SYN3: variants seen among roughly 807,000 people sequenced by gnomAD.
SYN3 encodes the protein synapsin III.
Under a neutral mutation model 65.8 loss-of-function variants are expected in SYN3, and 35 were observed. The ratio of observed to expected loss-of-function variants is 0.53; its 90% CI spans 0.41 to 0.70. The LOEUF (loss-of-function observed/expected upper bound fraction) is 0.70. SYN3 is among the 30% of genes least tolerant of loss of function. SYN3 has a pLI of 0.00. For synonymous variants in SYN3, 270 were observed against 292.9 expected, an observed-to-expected ratio of 0.92 and a Z score of 0.80; for missense variants, 680 against 749.0, an observed-to-expected ratio of 0.91 and a Z score of 1.08.
At chr22:32,785,278 C>T (rs1201177357) in intron 6 of SYN3, among the ~76,000 whole-genome samples, 2 of 152,156 alleles carry the variant, frequency 1.3e-5, no homozygotes, top group African/African-American at 4.8e-5. Context: ...TGGCCCAGGG[C>T]TCTTTCCTTC....
intron 6 of SYN3, among the ~76,000 whole-genome samples, chr22:32,643,050 T>A (rs1041793068): frequency 2.0e-5 from 3 of 152,108 alleles, no homozygotes; most frequent in African/African-American, 7.2e-5. Flanking sequence ...TAGGGAAACC[T>A]TTTTTGAGGA....
intron 6 of SYN3, among the ~76,000 whole-genome samples, chr22:32,845,050 A>C (rs1274944498): frequency 1.3e-5 from 2 of 151,920 alleles, no homozygotes; most frequent in Non-Finnish European, 2.9e-5. Flanking sequence ...TCTTTTGACC[A>C]CCAGATCCCT....
chr22:32,843,364 G>A (rs1174624346), intron 6 of SYN3, among the ~76,000 whole-genome samples: 1 of 152,234 alleles, frequency 6.6e-6, no homozygotes, highest in African/African-American at 2.4e-5. Context: ...GAATGGGTGA[G>A]CAGCTGGAAG....
chr22:32,966,751 C>T (rs1601806371), intron 3 of SYN3, among the ~76,000 whole-genome samples: 1 of 152,034 alleles, frequency 6.6e-6, no homozygotes, highest in African/African-American at 2.4e-5. Flanking sequence ...CCTGTCTCTA[C>T]AAAATATTTT....
chr22:32,527,545 AGCCGAGATCGCACCACT>A (rs1389916227), intron 12 of SYN3: 3 of 173,788 alleles, frequency 1.7e-5, no homozygotes, highest in African/African-American at 7.3e-5. Flanking sequence ...GGATGCAGTG[AGCCGAGATCGCACCACT>A]GCACTCCAGC....
intron 6 of SYN3, among the ~76,000 whole-genome samples, chr22:32,665,323 G>T (rs130729): frequency 1 from 152,238 of 152,238 alleles, 76,119 homozygotes; most frequent in Non-Finnish European, 1. Context: ...ATTATGCCTT[G>T]GCATCCTCAT....
In SYN3 at chr22:32,538,503, AG is replaced by A. The variant is rs111426358; in HGVS notation, c.918-394del. On this transcript the variant is annotated intron_variant, in intron 8 of 13. Coordinates refer to ENST00000358763, the MANE Select transcript of SYN3 (RefSeq NM_003490.4). ...GTTAGAAAAGTGATCCTTAGAGAGAAGTGACTACTTTTCTCTGGTGAAGATT... is the reference window on the plus strand; with the variant it reads ...GTTAGAAAAGTGATCCTTAGAGAGAATGACTACTTTTCTCTGGTGAAGATT... Among the ~76,000 whole-genome samples the A allele has an allele frequency of 5.8e-3, 882 of 152,226 alleles. 10 individuals carry two copies. The highest frequency in any genetic ancestry group is 0.02 in the African/African-American group (849 of 41,534).
intron 6 of SYN3, among the ~76,000 whole-genome samples, chr22:32,757,294 C>CT (rs148259174): frequency 7.4e-4 from 84 of 113,156 alleles, no homozygotes; most frequent in South Asian, 2.7e-3. Context: ...CTCCTCCTAC[C>CT]TTTTTTTTTT....
At chr22:32,667,319 C>T in intron 6 of SYN3, among the ~76,000 whole-genome samples, 1 of 151,906 alleles carries the variant, frequency 6.6e-6, no homozygotes, top group Non-Finnish European at 1.5e-5. Context: ...TTTCTTTATT[C>T]TCTCTTTCCT....
At chr22:32,845,260 A>G (rs1006530879) in intron 6 of SYN3, among the ~76,000 whole-genome samples, 2 of 151,816 alleles carry the variant, frequency 1.3e-5, no homozygotes, top group South Asian at 2.1e-4. Context: ...ACGGTGATGC[A>G]ATCTCGGCTC....
At chr22:32,604,738 G>C (rs1192733442) in intron 6 of SYN3, among the ~76,000 whole-genome samples, 1 of 152,156 alleles carries the variant, frequency 6.6e-6, no homozygotes, top group Non-Finnish European at 1.5e-5. Context: ...GGGCGCGGTG[G>C]CTCACGCCTG....
intron 3 of SYN3, among the ~76,000 whole-genome samples, chr22:32,963,248 T>A (rs2051718187): frequency 6.8e-6 from 1 of 147,104 alleles, no homozygotes; most frequent in Non-Finnish European, 1.5e-5. Flanking sequence ...GCTAATTTTT[T>A]TTTTTTTTTT....
At chr22:32,972,960 G>A (rs1377822656) in intron 3 of SYN3, among the ~76,000 whole-genome samples, 1 of 152,116 alleles carries the variant, frequency 6.6e-6, no homozygotes, top group Non-Finnish European at 1.5e-5. Flanking sequence ...AGTGAACCAT[G>A]ATTACACCAT....
intron 6 of SYN3, among the ~76,000 whole-genome samples, chr22:32,606,359 G>A (rs774392728): frequency 2.6e-5 from 4 of 152,092 alleles, no homozygotes; most frequent in Non-Finnish European, 5.9e-5. Context: ...GCACTCCCAC[G>A]GCTGCTTCAT....
At chr22:32,880,794 T>C (rs73881906) in intron 4 of SYN3, among the ~76,000 whole-genome samples, 3,950 of 152,300 alleles carry the variant, frequency 0.026, 169 homozygotes, top group African/African-American at 0.089. Context: ...AGGTCTGAAC[T>C]GTTAGGTACA....
At chr22:33,017,365 G>C (rs996156909) in intron 1 of SYN3, among the ~76,000 whole-genome samples, 3 of 152,192 alleles carry the variant, frequency 2.0e-5, no homozygotes, top group Admixed American at 2.0e-4. Context: ...TGACTATTCA[G>C]ATTCTTTTGT....
In SYN3 at chr22:32,792,407, C is replaced by T. The variant is rs566736383; in HGVS notation, c.711+72508G>A. Among the ~76,000 whole-genome samples the T allele has an allele frequency of 1.3e-4, 20 of 152,242 alleles. No homozygotes were observed. In the East Asian group the frequency reaches 3.9e-3, roughly 29 times the overall value. On this transcript the variant is annotated intron_variant, in intron 6 of 13. Coordinates refer to ENST00000358763, the MANE Select transcript of SYN3 (RefSeq NM_003490.4). ...CACTGATTTACTCAAGGTCACACAG[C>T]TATTTTATGTGGTAGGACTAGGATA...
chr22:32,597,736 C>T (rs2059223086), intron 6 of SYN3, among the ~76,000 whole-genome samples: 1 of 152,116 alleles, frequency 6.6e-6, no homozygotes, highest in Non-Finnish European at 1.5e-5. Flanking sequence ...TGGGTTGGTT[C>T]CCTGCTGCAC....
At chr22:32,795,767 C>A (rs2046414932) in intron 6 of SYN3, among the ~76,000 whole-genome samples, 2 of 152,164 alleles carry the variant, frequency 1.3e-5, no homozygotes, top group African/African-American at 4.8e-5. Context: ...AGGTAGAAAG[C>A]AGAATCCCAG....
Sources: allele counts gnomAD v4.1 joint callset (sites outside exome capture counted in the v4.1 genomes callset), GRCh38; gene constraint gnomAD v4.1.1; transcripts MANE v1.5; gene names NCBI Gene and HGNC (gene_info 2026-07-23, HGNC 2026-07-21).